The following KCNQ3 variants were observed in gnomAD, a reference collection of about 807,000 sequenced individuals.
The protein encoded by KCNQ3 is potassium voltage-gated channel subfamily KQT member 3.
KCNQ3 carries 30 observed loss-of-function variants against 92.5 expected under a neutral mutation model. That is an observed-to-expected ratio of 0.32 (90% CI 0.24 to 0.44). The LOEUF (loss-of-function observed/expected upper bound fraction) is 0.44, where lower values mean the gene tolerates loss of function less well. Among genes scored for constraint, KCNQ3 ranks in the 20% least tolerant of loss-of-function variants. KCNQ3 has a pLI of 1.00. For missense variants in KCNQ3, 913 were observed against 1,140.3 expected, an observed-to-expected ratio of 0.80 and a Z score of 2.87; for synonymous variants, 450 against 468.8, an observed-to-expected ratio of 0.96 and a Z score of 0.52.
chr8:132,323,956 G>A (rs1217703206), intron 1 of KCNQ3, among the ~76,000 whole-genome samples: 3 of 152,138 alleles, frequency 2.0e-5, no homozygotes, highest in African/African-American at 4.8e-5. Context: ...GACCCTTGAC[G>A]ATCTCTTCAG....
At chr8:132,192,375 A>G (rs1827186268) in intron 1 of KCNQ3, among the ~76,000 whole-genome samples, 1 of 152,214 alleles carries the variant, frequency 6.6e-6, no homozygotes, top group Non-Finnish European at 1.5e-5. Flanking sequence ...ATTTCAATTT[A>G]CCCTTAACAT....
intron 1 of KCNQ3, among the ~76,000 whole-genome samples, chr8:132,382,810 A>G (rs1586973178): frequency 6.6e-6 from 1 of 152,178 alleles, no homozygotes; most frequent in East Asian, 1.9e-4. Context: ...TGGAAGAGCC[A>G]GGTAAGGAAT....
intron 10 of KCNQ3, 197 bp downstream of exon 10, chr8:132,140,932 C>G (rs1825274612): frequency 1.6e-6 from 1 of 616,212 alleles, no homozygotes; most frequent in Non-Finnish European, 2.9e-6. Context: ...CCCTAGACTC[C>G]TGGGAATACA....
chr8:132,185,411 G>C (rs941454238), intron 2 of KCNQ3, among the ~76,000 whole-genome samples: 15 of 152,248 alleles, frequency 9.9e-5, no homozygotes, highest in Admixed American at 1.3e-4. Context: ...GCTGTCCTGT[G>C]GCTACAGAAG....
intron 14 of KCNQ3, among the ~76,000 whole-genome samples, chr8:132,131,445 T>C (rs2436135): frequency 0.42 from 63,146 of 151,950 alleles, 14,129 homozygotes; most frequent in Non-Finnish European, 0.51. Context: ...CTGCCCTCCT[T>C]CCGGCCTCTT....
chr8:132,319,612 G>T (rs972539495), intron 1 of KCNQ3, among the ~76,000 whole-genome samples: 3 of 152,168 alleles, frequency 2.0e-5, no homozygotes, highest in Admixed American at 1.3e-4. Flanking sequence ...ATGGCCCCGG[G>T]AATAAAAGAG....
At chr8:132,157,112 C>G (rs754929371) in intron 9 of KCNQ3, among the ~76,000 whole-genome samples, 1 of 152,086 alleles carries the variant, frequency 6.6e-6, no homozygotes, top group Admixed American at 6.5e-5. Context: ...CTAAGTCAAC[C>G]CATTATGTGG....
chr8:132,260,139 C>G (rs1403157113), intron 1 of KCNQ3, among the ~76,000 whole-genome samples: 1 of 152,018 alleles, frequency 6.6e-6, no homozygotes, highest in Admixed American at 6.6e-5. Flanking sequence ...AATTGAAAAC[C>G]ATGATCAACT....
At chr8:132,134,531 A>AGAAGT (rs1554622078) in intron 12 of KCNQ3, 143 bp from the exon 13 acceptor site, 1 of 640,230 alleles carries the variant, frequency 1.6e-6, no homozygotes, top group Non-Finnish European at 2.8e-6. Context: ...TGAGGAGAGG[A>AGAAGT]GAGGGGAGGA....
chr8:132,305,171 T>C (rs1210180170), intron 1 of KCNQ3, among the ~76,000 whole-genome samples: 1 of 152,186 alleles, frequency 6.6e-6, no homozygotes, highest in South Asian at 2.1e-4. Context: ...AAATAAAGTA[T>C]GACCTGCAAA....
intron 8 of KCNQ3, among the ~76,000 whole-genome samples, chr8:132,169,433 C>G (rs762124810): frequency 1.8e-4 from 27 of 152,190 alleles, no homozygotes; most frequent in Non-Finnish European, 3.2e-4. Flanking sequence ...TTTTCCATAA[C>G]CATAGAAAAA....
intron 1 of KCNQ3, among the ~76,000 whole-genome samples, chr8:132,405,345 T>C (rs919010116): frequency 2.6e-5 from 4 of 152,228 alleles, no homozygotes; most frequent in African/African-American, 9.6e-5. Flanking sequence ...AAACAGCTCC[T>C]GGATTTCCCA....
intron 1 of KCNQ3, among the ~76,000 whole-genome samples, chr8:132,416,563 T>TG (rs1820814119): frequency 6.6e-6 from 1 of 152,072 alleles, no homozygotes; most frequent in African/African-American, 2.4e-5. Context: ...GAGGCTGCAG[T>TG]GTGAGCTGAG....
chr8:132,395,643 C>T (rs1820172168), intron 1 of KCNQ3, among the ~76,000 whole-genome samples: 1 of 152,250 alleles, frequency 6.6e-6, no homozygotes, highest in South Asian at 2.1e-4. Context: ...TATCCAGCAT[C>T]TCCTACTAAA....
chr8:132,441,289 G>A (rs1000423106), intron 1 of KCNQ3, among the ~76,000 whole-genome samples: 7 of 152,194 alleles, frequency 4.6e-5, no homozygotes, highest in African/African-American at 1.4e-4. Flanking sequence ...AGTGGCTCAC[G>A]CCTGTAATCC....
rs1825278002 is a variant in KCNQ3 at position 132,141,007 on chromosome 8, A to T, written c.1465+122T>A. ...AGCAAGAAGTTGGCTTGTCGAGGGAAGGGAGAGAGTTACCTTGTGGAGTCA... is the reference window on the plus strand; with the variant it reads ...AGCAAGAAGTTGGCTTGTCGAGGGATGGGAGAGAGTTACCTTGTGGAGTCA... On this transcript the variant is annotated intron_variant, in intron 10 of 14. Coordinates refer to ENST00000388996, the MANE Select transcript of KCNQ3 (RefSeq NM_004519.4). 3 of 880,330 alleles carry T rather than the reference A, an allele frequency of 3.4e-6. No homozygotes were observed. The East Asian group carries it at 7.6e-5, about 22-fold the overall frequency. 54.5% of individuals were successfully genotyped at this position (880,330 alleles called of 1,614,324 possible).
chr8:132,196,966 A>G (rs1481512332), intron 1 of KCNQ3, among the ~76,000 whole-genome samples: 2 of 151,830 alleles, frequency 1.3e-5, no homozygotes, highest in Non-Finnish European at 2.9e-5. Flanking sequence ...AGTGAATTTT[A>G]GCTTAGATGG....
At chr8:132,280,226 G>A (rs1816470655) in intron 1 of KCNQ3, among the ~76,000 whole-genome samples, 1 of 152,154 alleles carries the variant, frequency 6.6e-6, no homozygotes, top group Admixed American at 6.6e-5. Context: ...ACTTTAACTT[G>A]GGTGGTTATA....
intron 1 of KCNQ3, among the ~76,000 whole-genome samples, chr8:132,463,878 T>G (rs929191254): frequency 6.6e-6 from 1 of 152,250 alleles, no homozygotes; most frequent in Non-Finnish European, 1.5e-5. Context: ...AATGGCACAG[T>G]CTCGGCTCAC....
Sources: allele counts gnomAD v4.1 joint callset (sites outside exome capture counted in the v4.1 genomes callset), GRCh38; gene constraint gnomAD v4.1.1; transcripts MANE v1.5; gene names NCBI Gene and HGNC (gene_info 2026-07-23, HGNC 2026-07-21).